PTPN23: variants seen among roughly 807,000 people sequenced by gnomAD.
PTPN23 encodes tyrosine-protein phosphatase non-receptor type 23.
PTPN23 carries 72 observed loss-of-function variants against 156.3 expected under a neutral mutation model. The ratio of observed to expected loss-of-function variants is 0.46; its 90% CI spans 0.38 to 0.56. The LOEUF is 0.56. PTPN23 is among the 20% of genes least tolerant of loss of function. PTPN23 has a pLI of 0.00. For synonymous variants in PTPN23, 957 were observed against 899.6 expected (o/e 1.06, Z -1.14); for missense variants, 1,974 against 2,171.5 (o/e 0.91, Z 1.81).
In PTPN23 at chr3:47,406,230, A is replaced by T. The variant is rs978166536; in HGVS notation, c.547-95A>T. 2 of 1,502,372 alleles carry T rather than the reference A, an allele frequency of 1.3e-6. No homozygotes were observed. The highest frequency in any genetic ancestry group is 2.3e-5 in the South Asian group (2 of 85,300). 93.1% of individuals were successfully genotyped at this position (1,502,372 alleles called of 1,614,324 possible). A position where few individuals can be genotyped will look rare whatever the true frequency, so the allele number is the denominator to read the frequency against. The stretch of plus-strand genomic sequence containing the variant: ...GCAGCTGGGGGAGAGGGCAGTGAAG[A>T]GGGATCCCTCAGTCTGCCCCTGGGG... On this transcript the variant is annotated intron_variant, in intron 6 of 24. Coordinates refer to ENST00000265562, the MANE Select transcript of PTPN23 (RefSeq NM_015466.4). The surrounding 1 kb of genome is among the most constrained non-coding windows in gnomAD (Gnocchi z 5.8).
Position 47,411,464 on chromosome 3 carries a change from G to A in PTPN23, c.3666G>A (p.Arg1222=), listed in dbSNP as rs2107725349. ...CCCGCTGCTACTCACTGAAGAACCG[G>A]CACCAGGATGTCATGCCCTATGACA... ...AIARCYSLKN[R]HQDVMPYDSN... is the part of the protein sequence containing the mutation. The change falls in exon 20 of 25, where the codon CGG becomes CGA. Residue 1222 remains arginine, a synonymous_variant. Coordinates refer to ENST00000265562, the MANE Select transcript of PTPN23 (RefSeq NM_015466.4). The surrounding 1 kb of genome is among the most constrained non-coding windows in gnomAD (Gnocchi z 6.3). 2 of 1,613,220 alleles carry A rather than the reference G, an allele frequency of 1.2e-6. No individual in the cohort carries two copies. The highest frequency in any genetic ancestry group is 1.7e-6 in the Non-Finnish European group (2 of 1,180,034).
intron 2 of PTPN23, 111 bp downstream of exon 2, chr3:47,396,328 A>C (rs1704879208): frequency 2.5e-6 from 2 of 800,000 alleles, no homozygotes; most frequent in Non-Finnish European, 3.9e-6. Flanking sequence ...TAATCCCACC[A>C]CTTTGGGAGG....
chr3:47,404,559 G>A (rs1007526633), intron 2 of PTPN23, 93 bp from the exon 3 acceptor site: 5 of 1,532,330 alleles, frequency 3.3e-6, no homozygotes, highest in Admixed American at 1.7e-5. Context: ...TCGGCCAGCT[G>A]TGATGCATTT....
rs776304451 is a variant in PTPN23 at position 47,410,956 on chromosome 3, C to T, written c.3158C>T (p.Pro1053Leu). Reference sequence around the variant, plus strand: ...CCCCATCCCCCACTGGCATATGGTCCTGCCCCTTCTACCAGACCCATGGGC... The same window carrying T: ...CCCCATCCCCCACTGGCATATGGTCTTGCCCCTTCTACCAGACCCATGGGC... ...QPPHPPLAYGPAPSTRPMGPQ... is the reference protein window; with the variant it reads ...QPPHPPLAYGLAPSTRPMGPQ... Residue 1053 changes from proline (P) to leucine (L), a missense_variant, in exon 20 of 25, where the codon CCT becomes CTT. Coordinates refer to ENST00000265562, the MANE Select transcript of PTPN23 (RefSeq NM_015466.4). The T allele has an allele frequency of 6.2e-7, 1 of 1,609,100 alleles. No homozygotes were observed. Among genetic ancestry groups the T allele is most frequent in the Non-Finnish European group, 8.5e-7 (1 of 1,177,050 alleles).
At position 47,410,543 on chromosome 3, in the gene PTPN23, G is replaced by A. The variant is rs749099984; in HGVS notation, c.2745G>A (p.Pro915=). ...PPPPCFPVPP[P]QPLPTPYTYP... is the part of the protein sequence containing the mutation. ...CGCCCTGCTTCCCTGTGCCCCCACC[G>A]CAGCCACTGCCCACGCCTTACACCT... The change falls in exon 20 of 25, where the codon CCG becomes CCA. Residue 915 remains proline (P), a synonymous_variant. Transcript: ENST00000265562. 1.0e-5 allele frequency: 11 copies of A among 1,051,000 alleles called. No individual in the cohort carries two copies. Among genetic ancestry groups the A allele is most frequent in the South Asian group, 1.6e-5 (1 of 63,994 alleles). The allele number at this position is 1,051,000 out of a possible 1,614,324, so 65.1% of individuals were successfully genotyped here.
chr3:47,384,809 C>G (rs895101200), intron 1 of PTPN23, among the ~76,000 whole-genome samples: 13 of 151,836 alleles, frequency 8.6e-5, no homozygotes, highest in Admixed American at 7.2e-4. Flanking sequence ...GTTGCCCAGG[C>G]TGGAGTGCAA....
chr3:47,401,600 T>C (rs767281147), intron 2 of PTPN23, among the ~76,000 whole-genome samples: 13 of 152,352 alleles, frequency 8.5e-5, no homozygotes, highest in Non-Finnish European at 1.6e-4. Context: ...AGAGCTGTTA[T>C]TGCTTAGGAT....
At position 47,412,214 on chromosome 3, in the gene PTPN23, G is replaced by T. The variant is rs1349518847; in HGVS notation, c.4178+16G>T. Reference sequence around the variant, plus strand: ...TGCACTGCAGGTAGAGGGTGGGCCTGAGGGTCTCTCCTCTATGGGCTCTTG... The same window carrying T: ...TGCACTGCAGGTAGAGGGTGGGCCTTAGGGTCTCTCCTCTATGGGCTCTTG... On this transcript the variant is annotated intron_variant, in intron 22 of 24. Transcript: ENST00000265562. 6.2e-7 allele frequency: 1 copy of T among 1,613,156 alleles called. No individual in the cohort carries two copies. The highest frequency in any genetic ancestry group is 1.3e-5 in the African/African-American group (1 of 74,934).
chr3:47,408,574 A>G, intron 15 of PTPN23, 84 bp downstream of exon 15: 1 of 1,537,840 alleles, frequency 6.5e-7, no homozygotes, highest in Non-Finnish European at 8.8e-7. Context: ...GTCACTGAGG[A>G]TGGAGGCTGC....
chr3:47,381,274 G>T, intron 1 of PTPN23, 94 bp downstream of exon 1: 2 of 1,505,216 alleles, frequency 1.3e-6, no homozygotes, highest in South Asian at 1.3e-5. Context: ...ACCTCCTCAG[G>T]CCCGGTCGCA....
chr3:47,409,125 G>C, intron 16 of PTPN23, 38 bp downstream of exon 16: 1 of 1,607,504 alleles, frequency 6.2e-7, no homozygotes, highest in Non-Finnish European at 8.5e-7. Context: ...ACTCGAGCTG[G>C]GGGTTTCTCT....
At chr3:47,402,231 GAATTA>G (rs2107709762) in intron 2 of PTPN23, among the ~76,000 whole-genome samples, 1 of 152,170 alleles carries the variant, frequency 6.6e-6, no homozygotes, top group Admixed American at 6.5e-5. Flanking sequence ...ACAATATGAA[GAATTA>G]AATACATGTC....
At chr3:47,394,616 C>T (rs181985991) in intron 1 of PTPN23, among the ~76,000 whole-genome samples, 5 of 152,126 alleles carry the variant, frequency 3.3e-5, no homozygotes. Flanking sequence ...TGGGATTACA[C>T]GCTTGAGCCA....
chr3:47,385,945 T>A (rs1452942986), intron 1 of PTPN23, among the ~76,000 whole-genome samples: 2 of 152,158 alleles, frequency 1.3e-5, no homozygotes, highest in Non-Finnish European at 2.9e-5. Flanking sequence ...ACTTTCAGCT[T>A]CTCTTCCTTC....
At chr3:47,397,536 T>G (rs534125518) in intron 2 of PTPN23, among the ~76,000 whole-genome samples, 14 of 152,336 alleles carry the variant, frequency 9.2e-5, no homozygotes, top group African/African-American at 2.4e-4. Flanking sequence ...CAGTAGCTGT[T>G]AGTGTTTTCT....
chr3:47,405,231 C>T lies in PTPN23; in HGVS notation c.364+150C>T, dbSNP rs1002310819. The T allele has an allele frequency of 1.4e-6, 1 of 709,672 alleles. No individual in the cohort carries two copies. Among genetic ancestry groups the T allele is most frequent in the African/African-American group, 1.7e-5 (1 of 57,168 alleles). 44.0% of individuals were successfully genotyped at this position (709,672 alleles called of 1,614,324 possible). ...ACTGACCTCCCCACAGCCCTGCCAG[C>T]TCCTCCACTGTTTTCTGGGCTGGGC... On this transcript the variant is annotated intron_variant, in intron 4 of 24. Transcript: ENST00000265562. The surrounding 1 kb of genome is among the most constrained non-coding windows in gnomAD (Gnocchi z 4.7).
chr3:47,400,983 A>T (rs1440437532), intron 2 of PTPN23, among the ~76,000 whole-genome samples: 9 of 141,618 alleles, frequency 6.4e-5, no homozygotes, highest in Admixed American at 4.9e-4. Context: ...GCTTACTGCA[A>T]GCTCCGCCTC....
intron 1 of PTPN23, among the ~76,000 whole-genome samples, chr3:47,388,907 C>G (rs761624869): frequency 6.6e-6 from 1 of 152,082 alleles, no homozygotes; most frequent in Non-Finnish European, 1.5e-5. Context: ...TCAGATGATC[C>G]ACCCGCCTTG....
Position 47,400,384 on chromosome 3 carries a change from GCTCT to G in PTPN23, c.159+4173_159+4176del, listed in dbSNP as rs1337080081. On this transcript the variant is annotated intron_variant, in intron 2 of 24. Transcript: ENST00000265562. Reference sequence around the variant, plus strand: ...TGCTATGGGGGCATCACAGCATCAAGCTCTCTCTCAGACTCCTCTGTGCGGCTCT... The same window carrying G: ...TGCTATGGGGGCATCACAGCATCAAGCTCTCAGACTCCTCTGTGCGGCTCT... Among the ~76,000 whole-genome samples, 4 of 152,156 alleles carry G rather than the reference GCTCT, an allele frequency of 2.6e-5. No individual in the cohort carries two copies. In the East Asian group the frequency reaches 7.7e-4, roughly 29 times the overall value.
Sources: allele counts gnomAD v4.1 joint callset (sites outside exome capture counted in the v4.1 genomes callset), GRCh38; gene constraint gnomAD v4.1.1; non-coding constraint Gnocchi (gnomAD v3.1); transcripts MANE v1.5; gene names NCBI Gene and HGNC (gene_info 2026-07-23, HGNC 2026-07-21).